The following EMC2 variants were observed in gnomAD, a reference collection of about 807,000 sequenced individuals.
EMC2 encodes the protein ER membrane protein complex subunit 2.
In EMC2, 37 loss-of-function variants were observed where a neutral mutation model predicts 51.6. The ratio of observed to expected loss-of-function variants is 0.72; its 90% CI spans 0.55 to 0.94. The LOEUF is 0.94. Ranked by LOEUF, EMC2 falls within the 40% of genes least tolerant of loss-of-function variation. EMC2 has a pLI of 0.00. For missense variants in EMC2, 359 were observed against 350.9 expected (o/e 1.02, Z -0.18); for synonymous variants, 131 against 112.4 (o/e 1.17, Z -1.04).
At chr8:108,482,751 CTT>C (rs926614465) in intron 10 of EMC2, among the ~76,000 whole-genome samples, 3 of 151,902 alleles carry the variant, frequency 2.0e-5, no homozygotes, top group South Asian at 2.1e-4. Context: ...GCTCGGCTAA[CTT>C]TTAAATTTTT....
Position 108,449,948 on chromosome 8 carries a change from T to C in EMC2, c.154+12T>C. 1 of 1,296,518 alleles carries C rather than the reference T, an allele frequency of 7.7e-7. No homozygotes were observed. The highest frequency in any genetic ancestry group is 1.1e-6 in the Non-Finnish European group (1 of 899,886). The allele number at this position is 1,296,518 out of a possible 1,614,324, so 80.3% of individuals were successfully genotyped here. On this transcript the variant is annotated intron_variant, in intron 2 of 10. Coordinates refer to ENST00000220853, the MANE Select transcript of EMC2 (RefSeq NM_014673.5). ...GCTGGGAGATGATAGTAAGTTCTTT[T>C]ATTACATTCAGGCTCAGTACATGCC...
chr8:108,478,283 C>T (rs1158408181), intron 9 of EMC2, among the ~76,000 whole-genome samples: 4 of 151,864 alleles, frequency 2.6e-5, no homozygotes, highest in African/African-American at 9.7e-5. Flanking sequence ...TAATAATTAG[C>T]ATATGATTTT....
At chr8:108,451,765 C>T (rs1481471669) in intron 3 of EMC2, among the ~76,000 whole-genome samples, 1 of 152,098 alleles carries the variant, frequency 6.6e-6, no homozygotes, top group Non-Finnish European at 1.5e-5. Flanking sequence ...TTAGATAACA[C>T]TATTGATTAA....
intron 10 of EMC2, among the ~76,000 whole-genome samples, chr8:108,481,685 G>A (rs1443110689): frequency 6.6e-6 from 1 of 152,026 alleles, no homozygotes; most frequent in Non-Finnish European, 1.5e-5. Flanking sequence ...ATGTATCCAG[G>A]CTAATAAATA....
chr8:108,459,699 CAT>C (rs1819259148), intron 5 of EMC2, among the ~76,000 whole-genome samples: 2 of 61,580 alleles, frequency 3.2e-5, no homozygotes, highest in South Asian at 6.3e-4. Flanking sequence ...ACAGCCAAGC[CAT>C]GTGAGAGAGA....
intron 4 of EMC2, among the ~76,000 whole-genome samples, chr8:108,454,585 T>C (rs537686573): frequency 6.6e-6 from 1 of 152,134 alleles, no homozygotes; most frequent in Admixed American, 6.5e-5. Flanking sequence ...TTGTTGCTGT[T>C]ACTACTTTGA....
chr8:108,452,722 G>A (rs946421684), intron 3 of EMC2, among the ~76,000 whole-genome samples: 1 of 152,162 alleles, frequency 6.6e-6, no homozygotes, highest in Admixed American at 6.5e-5. Flanking sequence ...GAAAACGCCA[G>A]GCGCTGTTGT....
intron 1 of EMC2, among the ~76,000 whole-genome samples, chr8:108,446,834 A>G (rs938817705): frequency 6.6e-6 from 1 of 152,238 alleles, no homozygotes; most frequent in African/African-American, 2.4e-5. Flanking sequence ...TATTTATTAC[A>G]GCAGCACTCA....
intron 1 of EMC2, among the ~76,000 whole-genome samples, chr8:108,446,570 G>A (rs950707150): frequency 6.6e-6 from 1 of 152,050 alleles, no homozygotes; most frequent in Non-Finnish European, 1.5e-5. Context: ...GTCAGAAACA[G>A]CACTAAAAAA....
rs1029725558 is a variant in EMC2 at position 108,444,173 on chromosome 8, G to T, written c.40+475G>T. 2.6e-5 allele frequency among the ~76,000 whole-genome samples: 4 copies of T among 152,206 alleles called. No homozygotes were observed. In the South Asian group the frequency reaches 8.3e-4, roughly 31 times the overall value. ...GCGTGAACAAATGTGATTCTCATAT[G>T]CCACTCTACATTTAGTTTTCTTCTT... On this transcript the variant is annotated intron_variant, in intron 1 of 10. Coordinates refer to ENST00000220853, the MANE Select transcript of EMC2 (RefSeq NM_014673.5).
chr8:108,470,873 G>T (rs904349136), intron 7 of EMC2: 1 of 151,800 alleles, frequency 6.6e-6, no homozygotes, highest in African/African-American at 2.4e-5. Flanking sequence ...AGATTCTCAT[G>T]CGCATTTTCT....
chr8:108,465,275 G>C (rs1313036441), intron 5 of EMC2, among the ~76,000 whole-genome samples: 1 of 152,096 alleles, frequency 6.6e-6, no homozygotes, highest in Non-Finnish European at 1.5e-5. Context: ...TCTTACAGGA[G>C]CATGACTCTT....
intron 7 of EMC2, chr8:108,475,213 T>G (rs1810926344): frequency 6.6e-6 from 1 of 151,934 alleles, no homozygotes. Flanking sequence ...TGCTTTAAAA[T>G]GTTTTTCCAG....
Position 108,450,409 on chromosome 8 carries a change from C to T in EMC2, c.155-19C>T, listed in dbSNP as rs755960434. On this transcript the variant is annotated intron_variant, in intron 2 of 10. Transcript: ENST00000220853. ...TTTAATATTAAATTCAGTTTTTTTC[C>T]CCCTTTATGTGTATCTAGTTTGGAT... The T allele has an allele frequency of 2.7e-6, 4 of 1,502,336 alleles. No homozygotes were observed. The highest frequency in any genetic ancestry group is 1.2e-5 in the South Asian group (1 of 85,766). The allele number at this position is 1,502,336 out of a possible 1,614,324, so 93.1% of individuals were successfully genotyped here.
chr8:108,476,976 C>T lies in EMC2; in HGVS notation c.702+84C>T. ...AACTATCCCCTTCAATCACTCCTCT[C>T]CTGTTTTTTGTATTTTATTGATAAG... On this transcript the variant is annotated intron_variant, in intron 9 of 10. Coordinates refer to ENST00000220853, the MANE Select transcript of EMC2 (RefSeq NM_014673.5). The T allele has an allele frequency of 6.1e-6, 4 of 655,304 alleles. No individual in the cohort carries two copies. In the South Asian group the frequency reaches 7.5e-5, roughly 12 times the overall value. 40.6% of individuals were successfully genotyped at this position (655,304 alleles called of 1,614,324 possible).
At position 108,449,803 on chromosome 8, in the gene EMC2, T is replaced by C. The variant is rs766664044; in HGVS notation, c.41-20T>C. 8 of 1,141,728 alleles carry C rather than the reference T, an allele frequency of 7.0e-6. No homozygotes were observed. Among genetic ancestry groups the C allele is most frequent in the Non-Finnish European group, 9.3e-6 (7 of 755,858 alleles). 70.7% of individuals were successfully genotyped at this position (1,141,728 alleles called of 1,614,324 possible). The stretch of plus-strand genomic sequence containing the variant: ...GTGTCTGGGTACATATACACTTAAA[T>C]GTCATGTTATTTTTTTCAGAAATGA... On this transcript the variant is annotated intron_variant, in intron 1 of 10. Transcript: ENST00000220853.
At chr8:108,483,802 GTATT>G (rs1416987544) in intron 10 of EMC2, among the ~76,000 whole-genome samples, 3 of 152,096 alleles carry the variant, frequency 2.0e-5, no homozygotes, top group African/African-American at 7.2e-5. Flanking sequence ...CAAAAATACA[GTATT>G]TGTGAATAAT....
chr8:108,484,202 T>A (rs1336416344), intron 10 of EMC2, among the ~76,000 whole-genome samples: 2 of 152,094 alleles, frequency 1.3e-5, no homozygotes, highest in Non-Finnish European at 2.9e-5. Context: ...ATTTATATGA[T>A]ATTTATGATT....
intron 5 of EMC2, among the ~76,000 whole-genome samples, chr8:108,457,376 A>T (rs1012565132): frequency 7.4e-6 from 1 of 134,524 alleles, no homozygotes; most frequent in African/African-American, 2.8e-5. Flanking sequence ...GTGTGTGTCT[A>T]TGTATTAGTC....
Sources: gnomAD v4.1 joint callset for allele counts (sites outside exome capture counted in the v4.1 genomes callset) on GRCh38, gnomAD v4.1.1 for gene constraint, MANE v1.5 for transcripts, NCBI Gene and HGNC (gene_info 2026-07-23, HGNC 2026-07-21) for gene names.